Variants in ITPR2 observed in about 807,000 individuals in gnomAD.
The protein encoded by ITPR2 is inositol 1,4,5-trisphosphate-gated calcium channel ITPR2.
Under a neutral mutation model 317.1 loss-of-function variants are expected in ITPR2, and 207 were observed. That is an observed-to-expected ratio of 0.65 (90% CI 0.58 to 0.73). ITPR2 has a LOEUF of 0.73. Among genes scored for constraint, ITPR2 ranks in the 30% least tolerant of loss-of-function variants. The pLI is 0.00. For synonymous variants in ITPR2, 1,156 were observed against 1,149.1 expected (o/e 1.01, Z -0.12); for missense variants, 2,613 against 3,284.0 (o/e 0.80, Z 4.99).
At chr12:26,797,955 G>A (rs2137233013) in intron 1 of ITPR2, among the ~76,000 whole-genome samples, 1 of 152,184 alleles carries the variant, frequency 6.6e-6, no homozygotes, top group East Asian at 1.9e-4. Flanking sequence ...GCCTCCCAAA[G>A]TGCTGGGATT....
At chr12:26,710,842 A>G (rs542355961) in intron 9 of ITPR2, among the ~76,000 whole-genome samples, 1 of 152,326 alleles carries the variant, frequency 6.6e-6, no homozygotes, top group South Asian at 2.1e-4. Context: ...GATCATATCT[A>G]TGATGCGGAC....
intron 45 of ITPR2, among the ~76,000 whole-genome samples, chr12:26,474,642 A>C (rs1247829106): frequency 6.6e-6 from 1 of 151,338 alleles, no homozygotes; most frequent in Non-Finnish European, 1.5e-5. Context: ...AAATACAAAA[A>C]AATTAGCCGG....
At chr12:26,387,704 G>T in intron 54 of ITPR2, 110 bp from the exon 55 acceptor site, 1 of 973,082 alleles carries the variant, frequency 1.0e-6, no homozygotes, top group Non-Finnish European at 1.5e-6. Context: ...CTTTCAGTAA[G>T]AGTGTGCCAA....
intron 21 of ITPR2, chr12:26,649,587 G>C (rs1413424768): frequency 1.3e-5 from 2 of 152,136 alleles, no homozygotes; most frequent in East Asian, 3.9e-4. Flanking sequence ...TGCCCACATA[G>C]ATATTCTCTA....
chr12:26,582,829 A>G (rs1945436259), intron 32 of ITPR2, among the ~76,000 whole-genome samples: 1 of 152,196 alleles, frequency 6.6e-6, no homozygotes. Flanking sequence ...TATTACCACC[A>G]AATAGCTTTT....
intron 23 of ITPR2, among the ~76,000 whole-genome samples, chr12:26,624,574 G>C (rs892565264): frequency 1.3e-5 from 2 of 152,036 alleles, no homozygotes; most frequent in African/African-American, 4.8e-5. Flanking sequence ...TTTATGAAAA[G>C]GTGCTCAACA....
intron 21 of ITPR2, among the ~76,000 whole-genome samples, chr12:26,646,583 T>A (rs1183698007): frequency 6.6e-6 from 1 of 152,108 alleles, no homozygotes; most frequent in African/African-American, 2.4e-5. Flanking sequence ...AAAGCACATC[T>A]CACTACCCTG....
intron 1 of ITPR2, among the ~76,000 whole-genome samples, chr12:26,813,319 T>C (rs2137272125): frequency 6.6e-6 from 1 of 152,340 alleles, no homozygotes; most frequent in South Asian, 2.1e-4. Flanking sequence ...ATCACAATAA[T>C]TATTAATTCA....
chr12:26,486,212 A>G lies in ITPR2; in HGVS notation c.5703T>C (p.Thr1901=), dbSNP rs1257739077. Residue 1901 remains threonine, a synonymous_variant, in exon 41 of 57, where the codon ACT becomes ACC. Coordinates refer to ENST00000381340, the MANE Select transcript of ITPR2 (RefSeq NM_002223.4). ...TTACTTCCTCTGCGGATTTTTCCTC[A>G]GTGTTTCCCGCTTCTGGTCCTGTGC... is the stretch of plus-strand genomic sequence containing the variant. The part of the protein sequence containing the change: ...IMCTGPEAGN[T]EEKSAEEVTM... 1.9e-6 allele frequency: 3 copies of G among 1,614,138 alleles called. No individual in the cohort carries two copies. The highest frequency in any genetic ancestry group is 8.5e-7 in the Non-Finnish European group (1 of 1,180,010).
In ITPR2 at chr12:26,708,427, C is replaced by T. The variant is rs374730806; in HGVS notation, c.951+2746G>A. Among the ~76,000 whole-genome samples, 107 of 152,232 alleles carry T rather than the reference C, an allele frequency of 7.0e-4. 1 individual carries two copies. In the South Asian group the frequency reaches 0.019, roughly 27 times the overall value. ...AATATTATTCAGCCATAAAAAAGAA[C>T]GAGATCCTGTCATTTGCAACAATAT... On this transcript the variant is annotated intron_variant, in intron 9 of 56. Coordinates refer to ENST00000381340, the MANE Select transcript of ITPR2 (RefSeq NM_002223.4).
intron 1 of ITPR2, among the ~76,000 whole-genome samples, chr12:26,816,493 C>T (rs1950854937): frequency 6.6e-6 from 1 of 152,132 alleles, no homozygotes. Flanking sequence ...TAACTATATG[C>T]TAAAGCATTT....
rs754128025 is a variant in ITPR2, at chr12:26,665,905, T to A, written c.1551+5A>T. 1.1e-5 allele frequency: 18 copies of A among 1,603,746 alleles called. No individual in the cohort carries two copies. The East Asian group carries it at 1.8e-4, about 16-fold the overall frequency. On this transcript the variant is annotated splice_donor_5th_base_variant and intron_variant, in intron 14 of 56. Coordinates refer to ENST00000381340, the MANE Select transcript of ITPR2 (RefSeq NM_002223.4). The stretch of plus-strand genomic sequence containing the variant: ...TATACAAATTTAGTACATGAAAAAA[T>A]TCACCTGTGCCAGTATGTTTTGTTC...
At chr12:26,545,385 C>T (rs547916961) in intron 37 of ITPR2, among the ~76,000 whole-genome samples, 13 of 150,878 alleles carry the variant, frequency 8.6e-5, no homozygotes, top group African/African-American at 1.9e-4. Context: ...GGAAGGGGGG[C>T]GGGAAATAGG....
At chr12:26,564,255 T>C (rs1252777037) in intron 34 of ITPR2, among the ~76,000 whole-genome samples, 1 of 152,192 alleles carries the variant, frequency 6.6e-6, no homozygotes, top group Non-Finnish European at 1.5e-5. Flanking sequence ...CCCAGGAATT[T>C]AAATATCTAA....
Position 26,831,936 on chromosome 12 carries a change from TC to T in ITPR2, c.92+753del, listed in dbSNP as rs1388682557. On this transcript the variant is annotated intron_variant, in intron 1 of 56. Transcript: ENST00000381340. The surrounding 1 kb of genome is among the most constrained non-coding windows in gnomAD (Gnocchi z 4.9). ...ATATGTGTATATATATATATATTTT[TC>T]CCCCCATTCAACTCGAATCTCAAGA... Among the ~76,000 whole-genome samples the T allele has an allele frequency of 6.7e-6, 1 of 150,260 alleles. No homozygotes were observed. The highest frequency in any genetic ancestry group is 2.4e-5 in the African/African-American group (1 of 40,832).
At chr12:26,354,222 C>T (rs910503972) in intron 55 of ITPR2, among the ~76,000 whole-genome samples, 4 of 151,720 alleles carry the variant, frequency 2.6e-5, no homozygotes, top group African/African-American at 4.8e-5. Flanking sequence ...TGCAGTGAGC[C>T]GAGATTGCGC....
At chr12:26,571,240 C>T (rs898465265) in intron 34 of ITPR2, among the ~76,000 whole-genome samples, 6 of 152,122 alleles carry the variant, frequency 3.9e-5, no homozygotes, top group Non-Finnish European at 7.3e-5. Flanking sequence ...CACAATTGAT[C>T]GTGGCTTCAG....
chr12:26,486,680 T>C (rs1942677235), intron 40 of ITPR2: 2 of 520,368 alleles, frequency 3.8e-6, no homozygotes, highest in East Asian at 9.3e-5. Context: ...AATGTCTTTA[T>C]GATTTGTATT....
intron 2 of ITPR2, among the ~76,000 whole-genome samples, chr12:26,758,554 T>G (rs1320917975): frequency 6.6e-6 from 1 of 152,194 alleles, no homozygotes; most frequent in Non-Finnish European, 1.5e-5. Context: ...CTGTTAAAAG[T>G]TGCATGTCTA....
Sources: gnomAD v4.1 joint callset for allele counts (sites outside exome capture counted in the v4.1 genomes callset) on GRCh38, gnomAD v4.1.1 for gene constraint, Gnocchi (gnomAD v3.1) non-coding constraint, MANE v1.5 for transcripts, NCBI Gene and HGNC (gene_info 2026-07-23, HGNC 2026-07-21) for gene names.